The following NCBP2L variants were observed in gnomAD, a reference collection of about 807,000 sequenced individuals.
NCBP2L encodes nuclear cap-binding protein subunit 2-like.
For synonymous variants in NCBP2L, 39 were observed against 19.2 expected (o/e 2.04, Z -2.70); for missense variants, 95 against 53.1 (o/e 1.79, Z -2.45).
At chrX:107,785,554 A>G (rs1234662452) in intron 1 of NCBP2L, among the ~76,000 whole-genome samples, 1 of 111,450 alleles carries the variant, frequency 9.0e-6, no homozygotes, top group Non-Finnish European at 1.9e-5. Context: ...CTTGCTAACA[A>G]CTTCAGGGAG....
intron 1 of NCBP2L, among the ~76,000 whole-genome samples, chrX:107,786,081 G>A (rs1602437125): frequency 1.8e-5 from 2 of 111,165 alleles, no homozygotes; most frequent in Admixed American, 1.9e-4. Flanking sequence ...TACTGTGCAC[G>A]CAGATTGATC....
chrX:107,794,025 A>G (rs956218364), intron 1 of NCBP2L, 124 bp from the exon 2 acceptor site: 12 of 359,317 alleles, frequency 3.3e-5, no homozygotes, highest in African/African-American at 2.1e-4. Flanking sequence ...GTGTGCCTTG[A>G]CATGATCCTT....
chrX:107,794,387 A>G lies in NCBP2L; in HGVS notation c.167A>G (p.His56Arg), dbSNP rs763975770. 2 of 570,358 alleles carry G rather than the reference A, an allele frequency of 3.5e-6. No individual in the cohort carries two copies. Among genetic ancestry groups the G allele is most frequent in the Non-Finnish European group, 6.5e-6 (2 of 309,437 alleles). 47.0% of individuals were successfully genotyped at this position (570,358 alleles called of 1,213,427 possible). Residue 56 changes from histidine (H) to arginine (R), a missense_variant, in exon 2 of 2, where the codon CAT becomes CGT. Coordinates refer to ENST00000509000, the MANE Select transcript of NCBP2L (RefSeq NM_001348372.2). ...LSFYTTEEKI[H>R]ELFSRSDIRN... ...TTTTATACAACCGAAGAGAAAATAC[A>G]TGAACTCTTTAGTAGATCTGATATC...
intron 1 of NCBP2L, among the ~76,000 whole-genome samples, chrX:107,787,441 A>T (rs1930402255): frequency 1.8e-5 from 2 of 112,111 alleles, no homozygotes; most frequent in African/African-American, 6.5e-5. Flanking sequence ...CAGTTTTGGT[A>T]CATGGATATA....
chrX:107,782,210 A>AAAT (rs1930307579), intron 1 of NCBP2L, among the ~76,000 whole-genome samples: 4 of 7,062 alleles, frequency 5.7e-4, no homozygotes, highest in African/African-American at 2.3e-3. Flanking sequence ...TATATATATA[A>AAAT]ATATATATAT....
Position 107,794,654 on chromosome X carries a change from G to A in NCBP2L, c.434G>A (p.Gly145Glu). Residue 145 changes from glycine (G) to glutamate (E), a missense_variant, in exon 2 of 2, where the codon GGA becomes GAA. Gly to Glu is a moderately conservative substitution (Grantham distance 98). Coordinates refer to ENST00000509000, the MANE Select transcript of NCBP2L (RefSeq NM_001348372.2). ...EFREDFHSGR[G>E]GFGRQTQI ...CGTGAAGATTTTCATTCTGGTAGAG[G>A]AGGCTTTGGAAGACAGACTCAGATC... The A allele has an allele frequency of 1.8e-6, 1 of 569,281 alleles. No individual in the cohort carries two copies. Among genetic ancestry groups the A allele is most frequent in the Non-Finnish European group, 3.2e-6 (1 of 309,080 alleles). 46.9% of individuals were successfully genotyped at this position (569,281 alleles called of 1,213,427 possible).
chrX:107,786,502 C>G (rs1396058657), intron 1 of NCBP2L, among the ~76,000 whole-genome samples: 1 of 111,241 alleles, frequency 9.0e-6, no homozygotes, highest in Non-Finnish European at 1.9e-5. Context: ...GGATGAGGTA[C>G]ACAGGGCTTT....
chrX:107,782,844 C>T (rs1006175513), intron 1 of NCBP2L, among the ~76,000 whole-genome samples: 1 of 107,572 alleles, frequency 9.3e-6, no homozygotes, highest in Non-Finnish European at 1.9e-5. Context: ...CATATATACA[C>T]ATAATATACA....
rs1930306751 is a variant in NCBP2L, at chrX:107,782,207, AT to A, written c.-73+4350del. Among the ~76,000 whole-genome samples, 8 of 21,585 alleles carry A rather than the reference AT, an allele frequency of 3.7e-4. 1 individual carries two copies. Among genetic ancestry groups the A allele is most frequent in the African/African-American group, 1.2e-3 (6 of 4,835 alleles). 18.7% of individuals were successfully genotyped at this position (21,585 alleles called of 115,157 possible). A position where few individuals can be genotyped will look rare whatever the true frequency, so the allele number is the denominator to read the frequency against. On this transcript the variant is annotated intron_variant, in intron 1 of 1. Transcript: ENST00000509000. ...AATATATATATATAAATATATATAT[AT>A]AAATATATATATAAATATATATATA...
rs1305969576 is a variant in NCBP2L, at chrX:107,795,203, T to C, written c.*521T>C. 2 of 112,415 alleles carry C rather than the reference T, an allele frequency of 1.8e-5. No individual in the cohort carries two copies. The highest frequency in any genetic ancestry group is 5.5e-4 in the East Asian group (2 of 3,615). The allele number at this position is 112,415 out of a possible 1,213,427, so 9.3% of individuals were successfully genotyped here. ...TATCCTACGCCTATTCCCTGGACGA[T>C]AACGCTTAATTATTTTTATTAGTTT... On this transcript the variant is annotated 3_prime_UTR_variant, in exon 2 of 2. Coordinates refer to ENST00000509000, the MANE Select transcript of NCBP2L (RefSeq NM_001348372.2).
Position 107,781,650 on chromosome X carries a change from TCATCTATC to T in NCBP2L, c.-73+3793_-73+3800del, listed in dbSNP as rs1569457082. ...ATCATTCTATCTATCTATCTATCTA[TCATCTATC>T]TATCTATCTATCTATCTATCTCTCT... is the stretch of plus-strand genomic sequence containing the variant. On this transcript the variant is annotated intron_variant, in intron 1 of 1. Coordinates refer to ENST00000509000, the MANE Select transcript of NCBP2L (RefSeq NM_001348372.2). 9.6e-4 allele frequency among the ~76,000 whole-genome samples: 49 copies of T among 50,798 alleles called. 1 individual carries two copies. The Middle Eastern group carries it at 0.034, about 35-fold the overall frequency. 44.1% of individuals were successfully genotyped at this position (50,798 alleles called of 115,157 possible).
intron 1 of NCBP2L, among the ~76,000 whole-genome samples, chrX:107,789,174 C>CT (rs760912732): frequency 0.1 from 6,773 of 66,477 alleles, 279 homozygotes; most frequent in African/African-American, 0.16. Flanking sequence ...GTCCTAACCT[C>CT]TTTTTTTTTT....
chrX:107,779,504 C>T (rs1248080138), intron 1 of NCBP2L, among the ~76,000 whole-genome samples: 2 of 112,122 alleles, frequency 1.8e-5, no homozygotes, highest in African/African-American at 6.5e-5. Flanking sequence ...TTTTAACTCA[C>T]TGCAACCTCC....
At chrX:107,780,129 G>A (rs1189144228) in intron 1 of NCBP2L, among the ~76,000 whole-genome samples, 1 of 111,181 alleles carries the variant, frequency 9.0e-6, no homozygotes, top group Admixed American at 9.5e-5. Context: ...GGCCGGGGTG[G>A]GCGGATCCCT....
intron 1 of NCBP2L, among the ~76,000 whole-genome samples, chrX:107,787,355 C>T (rs139999095): frequency 0.013 from 1,450 of 112,107 alleles, 13 homozygotes; most frequent in South Asian, 0.045. Flanking sequence ...CCATTGTCTC[C>T]GCTTTAGTTC....
At chrX:107,794,069 C>T (rs184554057) in intron 1 of NCBP2L, 80 bp from the exon 2 acceptor site, 73 of 410,405 alleles carry the variant, frequency 1.8e-4, no homozygotes, top group East Asian at 1.0e-3. Flanking sequence ...TGTATCTGAA[C>T]ACAAATATGT....
At chrX:107,783,382 T>TTTA (rs1930354198) in intron 1 of NCBP2L, among the ~76,000 whole-genome samples, 1 of 98,429 alleles carries the variant, frequency 1.0e-5, no homozygotes, top group African/African-American at 3.7e-5. Context: ...TTTTTTTTAT[T>TTTA]TTTTATTTTA....
chrX:107,782,314 T>TATATATATAA (rs1930326899), intron 1 of NCBP2L, among the ~76,000 whole-genome samples: 1 of 33,329 alleles, frequency 3.0e-5, no homozygotes, highest in Non-Finnish European at 4.0e-5. Flanking sequence ...TATATATAAA[T>TATATATATAA]ATATATATAT....
intron 1 of NCBP2L, among the ~76,000 whole-genome samples, chrX:107,781,700 A>C (rs1282040605): frequency 7.0e-4 from 44 of 63,009 alleles, no homozygotes; most frequent in African/African-American, 1.8e-3. Context: ...CTCTATATAT[A>C]TATATATATA....
Sources: allele counts gnomAD v4.1 joint callset (sites outside exome capture counted in the v4.1 genomes callset), GRCh38; gene constraint gnomAD v4.1.1; transcripts MANE v1.5; gene names NCBI Gene and HGNC (gene_info 2026-07-23, HGNC 2026-07-21).